Variants in CCZ1B observed in about 807,000 individuals in gnomAD.
CCZ1B encodes the protein CCZ1B vacuolar protein trafficking and biogenesis associated, also known as vacuolar fusion protein CCZ1 homolog B.
CCZ1B carries 25 observed loss-of-function variants against 58.8 expected under a neutral mutation model. The observed-to-expected ratio is 0.43, with a 90% confidence interval of 0.31 to 0.59. The LOEUF (loss-of-function observed/expected upper bound fraction) is 0.59, where lower values mean the gene tolerates loss of function less well. Ranked by LOEUF, CCZ1B falls within the 20% of genes least tolerant of loss-of-function variation. The probability of loss-of-function intolerance (pLI) is 0.12; values close to 1 mark genes in which losing one functional copy is unlikely to be tolerated. For synonymous variants in CCZ1B, 66 were observed against 173.2 expected (o/e 0.38, Z 4.86); for missense variants, 180 against 501.5 (o/e 0.36, Z 6.12).
chr7:6,819,757 T>A lies in CCZ1B; in HGVS notation c.698+9A>T. 1 of 1,448,298 alleles carries A rather than the reference T, an allele frequency of 6.9e-7. No individual in the cohort carries two copies. Among genetic ancestry groups the A allele is most frequent in the Non-Finnish European group, 9.5e-7 (1 of 1,057,836 alleles). 89.7% of individuals were successfully genotyped at this position (1,448,298 alleles called of 1,614,324 possible). A position where few individuals can be genotyped will look rare whatever the true frequency, so the allele number is the denominator to read the frequency against. ...CTTCTTTTAATACCATGCCTCGGGG[T>A]GTACCTACCAGATGAGCTGATCGTT... On this transcript the variant is annotated intron_variant, in intron 7 of 14. Transcript: ENST00000316731.
intron 7 of CCZ1B, among the ~76,000 whole-genome samples, chr7:6,815,793 G>A (rs544954789): frequency 1.3e-5 from 2 of 148,924 alleles, no homozygotes; most frequent in East Asian, 3.9e-4. Context: ...TGGACTCGCT[G>A]GTTGAATTCC....
rs1173368085 is a variant in CCZ1B, at chr7:6,819,123, GAA to G, written c.698+641_698+642del. Among the ~76,000 whole-genome samples, 330 of 65,618 alleles carry G rather than the reference GAA, an allele frequency of 5.0e-3. 5 individuals are homozygous for G. Among genetic ancestry groups the G allele is most frequent in the African/African-American group, 0.02 (305 of 14,956 alleles). 43.0% of individuals were successfully genotyped at this position (65,618 alleles called of 152,430 possible). Reference sequence around the variant, plus strand: ...AACACAGTAAACCCCATCTCTATAAGAAAAAAAAAAAAAAAAAAAAAAAGGTA... The same window carrying G: ...AACACAGTAAACCCCATCTCTATAAGAAAAAAAAAAAAAAAAAAAAAGGTA... On this transcript the variant is annotated intron_variant, in intron 7 of 14. Coordinates refer to ENST00000316731, the MANE Select transcript of CCZ1B (RefSeq NM_198097.5).
intron 8 of CCZ1B, among the ~76,000 whole-genome samples, chr7:6,813,632 T>G (rs188065555): frequency 4.7e-5 from 7 of 149,582 alleles, no homozygotes; most frequent in Admixed American, 4.0e-4. Context: ...AAAATGATTT[T>G]TGTGTGTTAA....
At position 6,812,080 on chromosome 7, in the gene CCZ1B, G is replaced by T. The variant is rs1782925203; in HGVS notation, c.843-17C>A. Reference sequence around the variant, plus strand: ...GTAAGAAATCTTAAAAGCAAGAACAGACATGACTTGATTCAACGAGGTGAA... The same window carrying T: ...GTAAGAAATCTTAAAAGCAAGAACATACATGACTTGATTCAACGAGGTGAA... On this transcript the variant is annotated splice_polypyrimidine_tract_variant and intron_variant, in intron 9 of 14. Transcript: ENST00000316731. 1 of 1,046,918 alleles carries T rather than the reference G, an allele frequency of 9.6e-7. No homozygotes were observed. The highest frequency in any genetic ancestry group is 1.5e-6 in the Non-Finnish European group (1 of 672,862). The allele number at this position is 1,046,918 out of a possible 1,614,324, so 64.9% of individuals were successfully genotyped here.
rs199820684 is a variant in CCZ1B, at chr7:6,823,368, C to T, written c.391-8G>A. 3,839 of 1,607,412 alleles carry T rather than the reference C, an allele frequency of 2.4e-3. 17 individuals carry two copies. The highest frequency in any genetic ancestry group is 3.0e-3 in the Non-Finnish European group (3,525 of 1,177,448). On this transcript the variant is annotated splice_region_variant and splice_polypyrimidine_tract_variant and intron_variant, in intron 4 of 14. Coordinates refer to ENST00000316731, the MANE Select transcript of CCZ1B (RefSeq NM_198097.5). ...CGAGCTATAAACCTTGTCCTGCAGACGCGAAAACACAGCACACAGCTCAGT... is the reference window on the plus strand; with the variant it reads ...CGAGCTATAAACCTTGTCCTGCAGATGCGAAAACACAGCACACAGCTCAGT...
At chr7:6,818,874 TG>T (rs1375438697) in intron 7 of CCZ1B, among the ~76,000 whole-genome samples, 1 of 148,728 alleles carries the variant, frequency 6.7e-6, no homozygotes, top group Non-Finnish European at 1.5e-5. Flanking sequence ...TCATATATGC[TG>T]GGCAGTCTTG....
intron 8 of CCZ1B, 161 bp downstream of exon 8, chr7:6,814,603 T>C (rs572217717): frequency 2.0e-6 from 1 of 512,466 alleles, no homozygotes; most frequent in Admixed American, 3.8e-5. Flanking sequence ...GAGCTGCATG[T>C]GGTTTTCTGT....
At chr7:6,812,215 G>A (rs191548232) in intron 9 of CCZ1B, 152 bp from the exon 10 acceptor site, 14 of 793,218 alleles carry the variant, frequency 1.8e-5, no homozygotes, top group South Asian at 8.1e-5. Flanking sequence ...CCGGCTGGGC[G>A]TGGTGGCTCA....
chr7:6,821,157 C>T (rs1385996323), intron 6 of CCZ1B, among the ~76,000 whole-genome samples: 2 of 149,106 alleles, frequency 1.3e-5, no homozygotes, highest in East Asian at 2.0e-4. Context: ...TACAGGCGTG[C>T]GCCACCACGC....
chr7:6,815,525 G>A (rs2115120180), intron 7 of CCZ1B, among the ~76,000 whole-genome samples: 1 of 149,022 alleles, frequency 6.7e-6, no homozygotes, highest in East Asian at 1.9e-4. Flanking sequence ...TTACAGTGGT[G>A]TGACCACAGC....
At chr7:6,816,511 T>C (rs1422037760) in intron 7 of CCZ1B, among the ~76,000 whole-genome samples, 1 of 150,344 alleles carries the variant, frequency 6.7e-6, no homozygotes, top group African/African-American at 2.5e-5. Flanking sequence ...AGCAATATAC[T>C]AAGTAAATAC....
In CCZ1B at chr7:6,816,667, A is replaced by T. The variant is rs1783004882; in HGVS notation, c.699-1822T>A. Reference sequence around the variant, plus strand: ...TGCCTCCTCCTCCCCAGTAGCTGGGACTATAGGTATGTGCACCACGCCTGG... The same window carrying T: ...TGCCTCCTCCTCCCCAGTAGCTGGGTCTATAGGTATGTGCACCACGCCTGG... On this transcript the variant is annotated intron_variant, in intron 7 of 14. Transcript: ENST00000316731. Among the ~76,000 whole-genome samples, 3 of 150,736 alleles carry T rather than the reference A, an allele frequency of 2.0e-5. No individual in the cohort carries two copies. In the South Asian group the frequency reaches 6.3e-4, roughly 32 times the overall value.
At chr7:6,825,626 C>T in intron 1 of CCZ1B, among the ~76,000 whole-genome samples, 1 of 98,318 alleles carries the variant, frequency 1.0e-5, no homozygotes, top group African/African-American at 4.5e-5. Flanking sequence ...AGTCGCCGTC[C>T]CCACCTCAGA....
chr7:6,808,395 A>C (rs1367518121), intron 10 of CCZ1B, among the ~76,000 whole-genome samples: 6 of 66,014 alleles, frequency 9.1e-5, no homozygotes, highest in African/African-American at 1.2e-4. Context: ...AAAAAAAAAA[A>C]AAACAAAAAA....
At chr7:6,812,412 C>T in intron 9 of CCZ1B, 1 of 320,958 alleles carries the variant, frequency 3.1e-6, no homozygotes, top group Non-Finnish European at 5.9e-6. Flanking sequence ...TTGCTTGAAC[C>T]CAGGAGATGG....
intron 7 of CCZ1B, among the ~76,000 whole-genome samples, chr7:6,815,583 C>A (rs571546308): frequency 9.4e-5 from 14 of 149,194 alleles, no homozygotes; most frequent in African/African-American, 3.6e-4. Context: ...CCCACCTCAG[C>A]CTCCTGAGTA....
chr7:6,822,150 T>A, intron 6 of CCZ1B, 131 bp downstream of exon 6: 3 of 1,369,290 alleles, frequency 2.2e-6, no homozygotes, highest in East Asian at 2.4e-5. Context: ...TTTGCGACGG[T>A]CTGTCTCAGG....
Position 6,815,172 on chromosome 7 carries a change from CTTT to C in CCZ1B, c.699-330_699-328del, listed in dbSNP as rs200922002. Among the ~76,000 whole-genome samples the C allele has an allele frequency of 9.3e-3, 1,263 of 135,314 alleles. 37 individuals carry two copies. The highest frequency in any genetic ancestry group is 0.032 in the African/African-American group (1,148 of 35,380). 88.8% of individuals were successfully genotyped at this position (135,314 alleles called of 152,430 possible). A position where few individuals can be genotyped will look rare whatever the true frequency, so the allele number is the denominator to read the frequency against. On this transcript the variant is annotated intron_variant, in intron 7 of 14. Transcript: ENST00000316731. ...TTTTATTAAAAAAAAATTTTTTTTTCTTTTTTTTTTTTGAGACAAGGTCTTGCT... is the reference window on the plus strand; with the variant it reads ...TTTTATTAAAAAAAAATTTTTTTTTCTTTTTTTTTGAGACAAGGTCTTGCT...
chr7:6,822,653 T>C (rs1287551805), intron 5 of CCZ1B, among the ~76,000 whole-genome samples: 4 of 148,172 alleles, frequency 2.7e-5, no homozygotes, highest in Admixed American at 2.7e-4. Flanking sequence ...CACATTTCTG[T>C]TTTTTTATTT....
Sources: gnomAD v4.1 joint callset for allele counts (sites outside exome capture counted in the v4.1 genomes callset) on GRCh38, gnomAD v4.1.1 for gene constraint, MANE v1.5 for transcripts, NCBI Gene and HGNC (gene_info 2026-07-23, HGNC 2026-07-21) for gene names.